SLC39A11: variants seen among roughly 807,000 people sequenced by gnomAD.
SLC39A11 encodes the protein solute carrier family 39 member 11.
A neutral mutation model predicts 36.1 loss-of-function variants in SLC39A11; 33 were observed. The ratio of observed to expected loss-of-function variants is 0.91; its 90% CI spans 0.69 to 1.22. The LOEUF (loss-of-function observed/expected upper bound fraction) is 1.22, where lower values mean the gene tolerates loss of function less well. Among genes scored for constraint, SLC39A11 ranks in the 50% most tolerant of loss-of-function variants. The pLI is 0.00. For synonymous variants in SLC39A11, 166 were observed against 170.3 expected, an observed-to-expected ratio of 0.97 and a Z score of 0.20; for missense variants, 432 against 430.3, an observed-to-expected ratio of 1.00 and a Z score of -0.03.
chr17:72,770,915 C>A (rs186316236), intron 6 of SLC39A11, among the ~76,000 whole-genome samples: 1 of 152,026 alleles, frequency 6.6e-6, no homozygotes, highest in Non-Finnish European at 1.5e-5. Context: ...GGCAGGCAGG[C>A]CTTCTCATCC....
intron 6 of SLC39A11, among the ~76,000 whole-genome samples, chr17:72,737,710 A>T (rs2074491083): frequency 6.6e-6 from 1 of 152,158 alleles, no homozygotes; most frequent in South Asian, 2.1e-4. Context: ...TTCTTTAACA[A>T]GTCTTTGTCT....
chr17:72,713,730 C>T (rs1288299670), intron 7 of SLC39A11, among the ~76,000 whole-genome samples: 1 of 152,150 alleles, frequency 6.6e-6, no homozygotes, highest in Non-Finnish European at 1.5e-5. Flanking sequence ...AAACCAAATC[C>T]TTCCCCTGCA....
intron 7 of SLC39A11, among the ~76,000 whole-genome samples, chr17:72,700,679 G>A (rs2072566611): frequency 6.6e-6 from 1 of 152,176 alleles, no homozygotes; most frequent in Non-Finnish European, 1.5e-5. Flanking sequence ...CCCAAGACTG[G>A]GCAATGTACA....
At chr17:73,008,900 T>A (rs56152433) in intron 4 of SLC39A11, among the ~76,000 whole-genome samples, 11,356 of 149,710 alleles carry the variant, frequency 0.076, 1,407 homozygotes, top group African/African-American at 0.26. Context: ...CAAAAAAAAA[T>A]AAATAAATAA....
chr17:72,764,898 A>G (rs1191047584), intron 6 of SLC39A11, among the ~76,000 whole-genome samples: 1 of 152,184 alleles, frequency 6.6e-6, no homozygotes, highest in Admixed American at 6.5e-5. Context: ...TTTGCAAAAA[A>G]TTATAACAGT....
At chr17:72,923,214 C>T (rs867060582) in intron 5 of SLC39A11, among the ~76,000 whole-genome samples, 13 of 152,220 alleles carry the variant, frequency 8.5e-5, no homozygotes, top group Admixed American at 7.2e-4. Flanking sequence ...CTGTGTGGGG[C>T]TATGGACCAC....
At chr17:72,662,628 G>GAGA (rs141240125) in intron 7 of SLC39A11, among the ~76,000 whole-genome samples, 144 of 122,908 alleles carry the variant, frequency 1.2e-3, no homozygotes, top group Non-Finnish European at 1.8e-3. Context: ...AGAAGAAAGA[G>GAGA]AAGAAAGAGA....
intron 6 of SLC39A11, among the ~76,000 whole-genome samples, chr17:72,742,833 G>A (rs1455965226): frequency 6.6e-6 from 1 of 152,176 alleles, no homozygotes; most frequent in Non-Finnish European, 1.5e-5. Context: ...TACAGGTTCT[G>A]CTGATTCTCC....
At chr17:73,008,583 A>T (rs2148475597) in intron 4 of SLC39A11, among the ~76,000 whole-genome samples, 1 of 152,270 alleles carries the variant, frequency 6.6e-6, no homozygotes, top group South Asian at 2.1e-4. Context: ...GGACACCAGG[A>T]TATAGACCCA....
At chr17:72,814,511 G>C (rs2077524067) in intron 6 of SLC39A11, among the ~76,000 whole-genome samples, 1 of 152,184 alleles carries the variant, frequency 6.6e-6, no homozygotes, top group African/African-American at 2.4e-5. Context: ...ACTGGGCTCT[G>C]AACACATTGT....
At chr17:72,649,118 A>C in intron 8 of SLC39A11, 52 bp downstream of exon 8, 1 of 1,579,182 alleles carries the variant, frequency 6.3e-7, no homozygotes, top group Admixed American at 1.7e-5. Flanking sequence ...TTGTTGAAAG[A>C]AGCCCACATG....
intron 5 of SLC39A11, among the ~76,000 whole-genome samples, chr17:72,857,110 T>A (rs1216021859): frequency 6.6e-6 from 1 of 152,210 alleles, no homozygotes; most frequent in African/African-American, 2.4e-5. Context: ...CAATAGTTAC[T>A]TTTTCTGATC....
chr17:72,908,494 C>T (rs1450334446), intron 5 of SLC39A11, among the ~76,000 whole-genome samples: 4 of 152,206 alleles, frequency 2.6e-5, no homozygotes, highest in Non-Finnish European at 4.4e-5. Context: ...AGGACACTAC[C>T]GTGCCGTCTC....
chr17:73,070,116 G>A (rs916800686), intron 3 of SLC39A11, among the ~76,000 whole-genome samples: 1 of 152,124 alleles, frequency 6.6e-6, no homozygotes, highest in African/African-American at 2.4e-5. Flanking sequence ...TCAAACTCAA[G>A]CTCAAACTTT....
At chr17:72,801,092 T>C (rs768156382) in intron 6 of SLC39A11, among the ~76,000 whole-genome samples, 22 of 152,174 alleles carry the variant, frequency 1.4e-4, no homozygotes, top group Non-Finnish European at 2.6e-4. Context: ...TTATACGAAA[T>C]GTCCAGAAGA....
At chr17:72,934,673 A>G (rs2084635486) in intron 5 of SLC39A11, among the ~76,000 whole-genome samples, 1 of 152,136 alleles carries the variant, frequency 6.6e-6, no homozygotes, top group South Asian at 2.1e-4. Context: ...CTCAAAATAA[A>G]AAGCCTCTCA....
At chr17:72,673,311 G>A (rs1204740604) in intron 7 of SLC39A11, among the ~76,000 whole-genome samples, 3 of 151,982 alleles carry the variant, frequency 2.0e-5, no homozygotes, top group South Asian at 2.1e-4. Context: ...CACCATGTTG[G>A]CCAGGCTGGT....
At chr17:72,995,315 T>C (rs1027797477) in intron 4 of SLC39A11, among the ~76,000 whole-genome samples, 3 of 152,140 alleles carry the variant, frequency 2.0e-5, no homozygotes, top group African/African-American at 7.2e-5. Flanking sequence ...TACTAAGCAC[T>C]ACATCAGGCC....
chr17:72,971,163 C>T (rs781558852), intron 4 of SLC39A11, among the ~76,000 whole-genome samples: 2 of 152,194 alleles, frequency 1.3e-5, no homozygotes, highest in Non-Finnish European at 2.9e-5. Flanking sequence ...ATGCAAATAA[C>T]CACTCATTTA....
Sources: allele counts gnomAD v4.1 joint callset (sites outside exome capture counted in the v4.1 genomes callset), GRCh38; gene constraint gnomAD v4.1.1; transcripts MANE v1.5; gene names NCBI Gene and HGNC (gene_info 2026-07-23, HGNC 2026-07-21).